The following ASB17 variants were observed in gnomAD, a reference collection of about 807,000 sequenced individuals.
The protein encoded by ASB17 is ankyrin repeat and SOCS box protein 17.
Under a neutral mutation model 25.7 loss-of-function variants are expected in ASB17, and 26 were observed. The observed-to-expected ratio is 1.01, with a 90% CI of 0.74 to 1.40. ASB17 has a LOEUF of 1.40. ASB17 is among the 40% of genes most tolerant of loss of function. ASB17 has a pLI of 0.00. For synonymous variants in ASB17, 128 were observed against 121.4 expected, an observed-to-expected ratio of 1.05 and a Z score of -0.36; for missense variants, 326 against 338.5, an observed-to-expected ratio of 0.96 and a Z score of 0.29.
chr1:75,923,169 C>T lies in ASB17; in HGVS notation c.402-810G>A, dbSNP rs531109006. 1.3e-4 allele frequency among the ~76,000 whole-genome samples: 20 copies of T among 152,220 alleles called. No homozygotes were observed. The South Asian group carries it at 3.5e-3, about 27-fold the overall frequency. On this transcript the variant is annotated intron_variant, in intron 1 of 2. Transcript: ENST00000284142. ...TTGGAAATTAGGAAAGGAATAAATA[C>T]AACTATCTTAATTCTATGTTTTTCA... is the stretch of plus-strand genomic sequence containing the variant.
chr1:75,922,227 A>G lies in ASB17; in HGVS notation c.534T>C (p.Pro178=). 4.3e-6 allele frequency: 7 copies of G among 1,613,798 alleles called. No homozygotes were observed. The highest frequency in any genetic ancestry group is 5.9e-6 in the Non-Finnish European group (7 of 1,179,812). ...GTACTATTGTTAAGACAATGTTGATAGGGTTTTTTTCTCTTTCTAAGATTC... is the reference window on the plus strand; with the variant it reads ...GTACTATTGTTAAGACAATGTTGATGGGGTTTTTTTCTCTTTCTAAGATTC... The part of the protein sequence containing the change: ...QYGILEREKN[P]INIVLTIVLY... The change falls in exon 2 of 3, where the codon CCT becomes CCC. Residue 178 remains proline (P), a synonymous_variant. Coordinates refer to ENST00000284142, the MANE Select transcript of ASB17 (RefSeq NM_080868.3).
chr1:75,919,779 T>C (rs1267290077), intron 2 of ASB17, among the ~76,000 whole-genome samples: 2 of 152,198 alleles, frequency 1.3e-5, no homozygotes, highest in African/African-American at 4.8e-5. Flanking sequence ...CTTAATCCAG[T>C]CTATCATTGT....
chr1:75,923,985 A>C (rs12089337), intron 1 of ASB17, among the ~76,000 whole-genome samples: 8,136 of 152,244 alleles, frequency 0.053, 372 homozygotes, highest in African/African-American at 0.12. Context: ...AAATTGCATA[A>C]ATACAATACA....
rs1214270066 is a variant in ASB17, at chr1:75,919,018, G to A, written c.822C>T (p.Leu274=). The A allele has an allele frequency of 4.3e-6, 7 of 1,612,752 alleles. 1 individual carries two copies. In the South Asian group the frequency reaches 7.7e-5, roughly 18 times the overall value. The change falls in exon 3 of 3, where the codon CTC becomes CTT. Residue 274 remains leucine (L), a synonymous_variant. Transcript: ENST00000284142. ...IRNQLLTNNM[L]PDGIFSLLIP... is the part of the protein sequence containing the mutation. ...TTAGAAGTGAAAATATTCCATCTGGGAGCATATTGTTGGTTAATAGTTGAT... is the reference window on the plus strand; with the variant it reads ...TTAGAAGTGAAAATATTCCATCTGGAAGCATATTGTTGGTTAATAGTTGAT...
intron 2 of ASB17, among the ~76,000 whole-genome samples, chr1:75,920,879 A>G (rs976856876): frequency 6.6e-6 from 1 of 152,022 alleles, no homozygotes; most frequent in African/African-American, 2.4e-5. Context: ...GGTTCATGCC[A>G]TTCTCCTGCC....
In ASB17 at chr1:75,931,813, G is replaced by A. The variant is rs544412374; in HGVS notation, c.401+78C>T. ...TCACATATAGCCACTATACATGTGA[G>A]TTTTAGAAAAAAGAAGCACTCTACT... On this transcript the variant is annotated intron_variant, in intron 1 of 2. Coordinates refer to ENST00000284142, the MANE Select transcript of ASB17 (RefSeq NM_080868.3). 1.1e-4 allele frequency: 156 copies of A among 1,362,006 alleles called. 2 individuals are homozygous for A. The highest frequency in any genetic ancestry group is 6.2e-4 in the South Asian group (40 of 64,378). The allele number at this position is 1,362,006 out of a possible 1,614,324, so 84.4% of individuals were successfully genotyped here. A position where few individuals can be genotyped will look rare whatever the true frequency, so the allele number is the denominator to read the frequency against.
chr1:75,931,576 C>G (rs1275092605), intron 1 of ASB17, among the ~76,000 whole-genome samples: 1 of 152,018 alleles, frequency 6.6e-6, no homozygotes, highest in East Asian at 1.9e-4. Context: ...CCATAGGATT[C>G]GCAGAAATAG....
intron 1 of ASB17, among the ~76,000 whole-genome samples, chr1:75,927,678 C>G (rs1571018164): frequency 6.6e-6 from 1 of 151,906 alleles, no homozygotes; most frequent in East Asian, 1.9e-4. Flanking sequence ...AGATCACTTT[C>G]CCCCCAACTC....
Position 75,922,215 on chromosome 1 carries a change from G to C in ASB17, c.546C>G (p.Val182=), listed in dbSNP as rs1379639232. ...LEREKNPINI[V]LTIVLYPSRV... is the part of the protein sequence containing the mutation. The stretch of plus-strand genomic sequence containing the variant: ...TCGAAGGGTAGAGTACTATTGTTAA[G>C]ACAATGTTGATAGGGTTTTTTTCTC... The change falls in exon 2 of 3, where the codon GTC becomes GTG. Residue 182 remains valine (V), a synonymous_variant. Coordinates refer to ENST00000284142, the MANE Select transcript of ASB17 (RefSeq NM_080868.3). 1 of 1,613,718 alleles carries C rather than the reference G, an allele frequency of 6.2e-7. No individual in the cohort carries two copies.
chr1:75,919,245 T>G, intron 2 of ASB17, 87 bp from the exon 3 acceptor site: 7 of 906,918 alleles, frequency 7.7e-6, no homozygotes, highest in South Asian at 2.0e-5. Flanking sequence ...AATTTAAATT[T>G]AGAAAATAGA....
chr1:75,929,325 C>A (rs111459267), intron 1 of ASB17, among the ~76,000 whole-genome samples: 85 of 151,788 alleles, frequency 5.6e-4, no homozygotes, highest in South Asian at 4.2e-4. Flanking sequence ...TCCGGGTTCA[C>A]GCCATTCTCC....
At chr1:75,922,497 T>TTTC in intron 1 of ASB17, 138 bp from the exon 2 acceptor site, 1 of 603,734 alleles carries the variant, frequency 1.7e-6, no homozygotes, top group Non-Finnish European at 2.4e-6. Flanking sequence ...TCTTTTTTTT[T>TTTC]TTTTTTTTTT....
In ASB17 at chr1:75,932,089, G is replaced by C; in HGVS notation, c.203C>G (p.Thr68Arg). The change falls in exon 1 of 3, where the codon ACA becomes AGA. Residue 68 changes from threonine (T) to arginine (R), a missense_variant. Coordinates refer to ENST00000284142, the MANE Select transcript of ASB17 (RefSeq NM_080868.3). Reference protein sequence around the residue: ...VDLDGFDALLTDYIAFVEKSG... With the variant: ...VDLDGFDALLRDYIAFVEKSG... ...TTTTTCCACAAATGCAATGTAATCT[G>C]TGAGTAGTGCGTCAAAACCATCCAA... The C allele has an allele frequency of 6.2e-7, 1 of 1,614,078 alleles. No homozygotes were observed. The highest frequency in any genetic ancestry group is 1.1e-5 in the South Asian group (1 of 91,058).
chr1:75,922,604 C>G (rs1482131310), intron 1 of ASB17, among the ~76,000 whole-genome samples: 1 of 134,520 alleles, frequency 7.4e-6, no homozygotes, highest in Non-Finnish European at 1.5e-5. Context: ...TCAAGTGATT[C>G]TCCTGCCTCA....
chr1:75,929,391 ATT>A (rs34917597), intron 1 of ASB17, among the ~76,000 whole-genome samples: 40 of 145,926 alleles, frequency 2.7e-4, no homozygotes, highest in Admixed American at 4.1e-4. Context: ...CGCCCAGCTA[ATT>A]TTTTTTTTTT....
chr1:75,928,279 T>G (rs1031258996), intron 1 of ASB17, among the ~76,000 whole-genome samples: 1 of 152,220 alleles, frequency 6.6e-6, no homozygotes, highest in Non-Finnish European at 1.5e-5. Context: ...TCAGGAAATG[T>G]GTCTACTTTG....
chr1:75,920,431 G>A (rs981795853), intron 2 of ASB17, among the ~76,000 whole-genome samples: 2 of 152,134 alleles, frequency 1.3e-5, no homozygotes, highest in African/African-American at 4.8e-5. Context: ...TATATGCTTA[G>A]CATTGTGATA....
rs1320198895 is a variant in ASB17, at chr1:75,919,094, CT to C, written c.745del (p.Arg249AspfsTer14). 3.1e-6 allele frequency: 5 copies of C among 1,613,220 alleles called. No individual in the cohort carries two copies. Among genetic ancestry groups the C allele is most frequent in the Non-Finnish European group, 4.2e-6 (5 of 1,179,508 alleles). ...TAATAGTTCACATGGATCTTTGTAT[CT>C]TGTTGAAGGAATGTAATCAAACCAA... ...SNWFDYIPST[R>X]YKDPCELLHL... On this transcript the variant is annotated frameshift_variant, in exon 3 of 3. Coordinates refer to ENST00000284142, the MANE Select transcript of ASB17 (RefSeq NM_080868.3). LOFTEE classifies it high-confidence loss of function.
intron 1 of ASB17, among the ~76,000 whole-genome samples, chr1:75,928,801 T>C (rs1653241165): frequency 6.6e-6 from 1 of 152,238 alleles, no homozygotes; most frequent in African/African-American, 2.4e-5. Flanking sequence ...GAGCAGTTGC[T>C]ACGTATCTGA....
Sources: gnomAD v4.1 joint callset for allele counts (sites outside exome capture counted in the v4.1 genomes callset) on GRCh38, gnomAD v4.1.1 for gene constraint, MANE v1.5 for transcripts, NCBI Gene and HGNC (gene_info 2026-07-23, HGNC 2026-07-21) for gene names.